The following EYS variants were observed in gnomAD, a reference collection of about 807,000 sequenced individuals.
EYS encodes protein eyes shut homolog.
EYS carries 250 observed loss-of-function variants against 282.1 expected under a neutral mutation model. That is an observed-to-expected ratio of 0.89 (90% CI 0.80 to 0.98). The LOEUF (loss-of-function observed/expected upper bound fraction) is 0.98. Among genes scored for constraint, EYS ranks in the 50% least tolerant of loss-of-function variants. The pLI is 0.00. For missense variants in EYS, 4,016 were observed against 3,709.0 expected (o/e 1.08, Z -2.15); for synonymous variants, 1,355 against 1,282.9 (o/e 1.06, Z -1.20).
At chr6:64,269,150 T>C (rs1380691826) in intron 30 of EYS, among the ~76,000 whole-genome samples, 1 of 152,084 alleles carries the variant, frequency 6.6e-6, no homozygotes, top group African/African-American at 2.4e-5. Flanking sequence ...GGCAATGGCA[T>C]CAGGGTCAGG....
intron 12 of EYS, among the ~76,000 whole-genome samples, chr6:65,153,426 T>A (rs1371252850): frequency 6.6e-6 from 1 of 150,684 alleles, no homozygotes; most frequent in Non-Finnish European, 1.5e-5. Flanking sequence ...AACCACTAAA[T>A]GCGTGGTAAT....
chr6:65,475,756 G>GACACACACAC (rs545961939), intron 5 of EYS, among the ~76,000 whole-genome samples: 11 of 145,968 alleles, frequency 7.5e-5, no homozygotes, highest in South Asian at 4.4e-4. Context: ...CAGACAGACA[G>GACACACACAC]ACACACACAC....
At chr6:64,719,793 C>T (rs62415464) in intron 22 of EYS, among the ~76,000 whole-genome samples, 53 of 152,166 alleles carry the variant, frequency 3.5e-4, no homozygotes, top group African/African-American at 5.1e-4. Flanking sequence ...AGTCCCAGAA[C>T]GGGAGGCTGA....
chr6:64,168,274 A>T (rs1253899418), intron 31 of EYS, among the ~76,000 whole-genome samples: 2 of 152,176 alleles, frequency 1.3e-5, no homozygotes, highest in African/African-American at 4.8e-5. Context: ...AAATAAATAA[A>T]TAAATAAATA....
At chr6:65,152,914 C>T (rs984532484) in intron 12 of EYS, among the ~76,000 whole-genome samples, 1 of 150,632 alleles carries the variant, frequency 6.6e-6, no homozygotes, top group Non-Finnish European at 1.5e-5. Context: ...AACAATATGA[C>T]TTCATATTGT....
chr6:65,684,226 A>C (rs1337306575), intron 1 of EYS, among the ~76,000 whole-genome samples: 2 of 152,066 alleles, frequency 1.3e-5, no homozygotes, highest in Non-Finnish European at 2.9e-5. Flanking sequence ...TATGTTACAG[A>C]AGGGTGCGAG....
intron 2 of EYS, among the ~76,000 whole-genome samples, chr6:65,618,997 G>T (rs1766347436): frequency 6.6e-6 from 1 of 152,168 alleles, no homozygotes; most frequent in African/African-American, 2.4e-5. Context: ...GATGCCTCCA[G>T]CTTTTTTCTT....
At chr6:65,236,837 T>C (rs1240977221) in intron 12 of EYS, among the ~76,000 whole-genome samples, 2 of 152,194 alleles carry the variant, frequency 1.3e-5, no homozygotes, top group African/African-American at 2.4e-5. Context: ...ACTTTTCATC[T>C]TTGCCTGATG....
intron 30 of EYS, among the ~76,000 whole-genome samples, chr6:64,295,145 C>T (rs987682462): frequency 2.0e-5 from 3 of 150,848 alleles, no homozygotes; most frequent in East Asian, 4.0e-4. Context: ...GAGGCCGAAG[C>T]GGGGGGATCA....
chr6:63,878,479 G>T (rs143500846), intron 35 of EYS, among the ~76,000 whole-genome samples: 1 of 152,132 alleles, frequency 6.6e-6, no homozygotes, highest in Non-Finnish European at 1.5e-5. Context: ...CTCCATGCTC[G>T]GAGAACCACT....
intron 30 of EYS, among the ~76,000 whole-genome samples, chr6:64,237,053 G>C (rs1190170930): frequency 6.6e-6 from 1 of 152,008 alleles, no homozygotes; most frequent in Non-Finnish European, 1.5e-5. Context: ...CCCCTCAGGA[G>C]TGGTTGCCAC....
chr6:63,991,824 T>A (rs1767615939), intron 34 of EYS, among the ~76,000 whole-genome samples: 1 of 151,664 alleles, frequency 6.6e-6, no homozygotes, highest in Non-Finnish European at 1.5e-5. Context: ...ACCAGAGAAT[T>A]TTAAAAGATG....
chr6:65,356,153 A>ACACATACATATACATACACAC (rs1582179869), intron 8 of EYS, among the ~76,000 whole-genome samples: 1 of 152,066 alleles, frequency 6.6e-6, no homozygotes, highest in East Asian at 1.9e-4. Context: ...CACACAATGG[A>ACACATACATATACATACACAC]ATACTATTTA....
intron 26 of EYS, among the ~76,000 whole-genome samples, chr6:64,570,747 T>C (rs986850344): frequency 6.6e-6 from 1 of 152,138 alleles, no homozygotes; most frequent in Non-Finnish European, 1.5e-5. Flanking sequence ...GCTAAATATA[T>C]GTATACACCC....
chr6:65,642,489 CT>C (rs1332327475), intron 1 of EYS, among the ~76,000 whole-genome samples: 2 of 151,612 alleles, frequency 1.3e-5, no homozygotes, highest in Admixed American at 6.6e-5. Flanking sequence ...AGCCTCCAGA[CT>C]TTTAAAATTG....
At chr6:64,287,221 A>G (rs1768533663) in intron 30 of EYS, among the ~76,000 whole-genome samples, 1 of 152,144 alleles carries the variant, frequency 6.6e-6, no homozygotes, top group South Asian at 2.1e-4. Flanking sequence ...ACAGCCAAAA[A>G]AGACAGTATG....
intron 14 of EYS, among the ~76,000 whole-genome samples, chr6:64,952,299 T>C (rs1769538588): frequency 1.3e-5 from 2 of 152,022 alleles, no homozygotes; most frequent in Non-Finnish European, 2.9e-5. Flanking sequence ...TGGGAATTTG[T>C]TGACAGATGA....
intron 35 of EYS, among the ~76,000 whole-genome samples, chr6:63,943,342 T>A (rs915631148): frequency 3.9e-5 from 6 of 152,188 alleles, no homozygotes; most frequent in Admixed American, 6.5e-5. Context: ...ACTTGATTAT[T>A]TAATCACAGA....
At chr6:64,431,947 G>A (rs1774587714) in intron 28 of EYS, among the ~76,000 whole-genome samples, 1 of 152,114 alleles carries the variant, frequency 6.6e-6, no homozygotes, top group Admixed American at 6.6e-5. Context: ...GTCTTCTAAA[G>A]TGTCATGTCA....
Sources: gnomAD v4.1 joint callset for allele counts (sites outside exome capture counted in the v4.1 genomes callset) on GRCh38, gnomAD v4.1.1 for gene constraint, MANE v1.5 for transcripts, NCBI Gene and HGNC (gene_info 2026-07-23, HGNC 2026-07-21) for gene names.